The following KLHL7 variants were observed in gnomAD, a reference collection of about 807,000 sequenced individuals.
The protein encoded by KLHL7 is kelch-like protein 7.
A neutral mutation model predicts 67.4 loss-of-function variants in KLHL7; 44 were observed. The observed-to-expected ratio is 0.65, with a 90% CI of 0.51 to 0.84. KLHL7 has a LOEUF of 0.84. Ranked by LOEUF, KLHL7 falls within the 40% of genes least tolerant of loss-of-function variation. The probability of loss-of-function intolerance (pLI) is 0.00; values close to 1 mark genes in which losing one functional copy is unlikely to be tolerated. For synonymous variants in KLHL7, 252 were observed against 243.3 expected (o/e 1.04, Z -0.33); for missense variants, 362 against 718.1 (o/e 0.50, Z 5.67).
intron 1 of KLHL7, among the ~76,000 whole-genome samples, chr7:23,108,509 C>G (rs557297178): frequency 1.3e-5 from 2 of 152,174 alleles, no homozygotes; most frequent in Non-Finnish European, 2.9e-5. Flanking sequence ...ACCAACAAGA[C>G]GAGAACATGA....
At chr7:23,119,550 T>C (rs1484338828) in intron 1 of KLHL7, among the ~76,000 whole-genome samples, 1 of 152,214 alleles carries the variant, frequency 6.6e-6, no homozygotes, top group Non-Finnish European at 1.5e-5. Context: ...TAGGGTTGAC[T>C]CTGTGTTGCA....
chr7:23,120,959 CCTCT>C (rs1046789467), intron 1 of KLHL7, among the ~76,000 whole-genome samples: 1 of 152,124 alleles, frequency 6.6e-6, no homozygotes, highest in African/African-American at 2.4e-5. Flanking sequence ...CTTTAACAAA[CCTCT>C]CTCTATCCCT....
intron 4 of KLHL7, among the ~76,000 whole-genome samples, chr7:23,139,575 G>A (rs1784107269): frequency 1.3e-5 from 2 of 152,264 alleles, no homozygotes; most frequent in South Asian, 4.1e-4. Context: ...CAAAGGAGGT[G>A]GAAAATGCCA....
Position 23,175,978 on chromosome 7 carries a change from A to AT in KLHL7, c.*1681dup. The AT allele has an allele frequency of 6.7e-6, 1 of 149,524 alleles. No homozygotes were observed. The highest frequency in any genetic ancestry group is 2.1e-4 in the South Asian group (1 of 4,690). 9.3% of individuals were successfully genotyped at this position (149,524 alleles called of 1,614,324 possible). ...TAAAAAAAAAAAAAAAAAAAAAAAA[A>AT]TGTATTATTCAGTGGTTTTTAATAT... On this transcript the variant is annotated 3_prime_UTR_variant, in exon 11 of 11. Coordinates refer to ENST00000339077, the MANE Select transcript of KLHL7 (RefSeq NM_001031710.3).
At chr7:23,121,287 G>A (rs1276379191) in intron 1 of KLHL7, among the ~76,000 whole-genome samples, 1 of 152,038 alleles carries the variant, frequency 6.6e-6, no homozygotes, top group Non-Finnish European at 1.5e-5. Context: ...GCATAGTGCT[G>A]CAGTAAACAT....
intron 7 of KLHL7, among the ~76,000 whole-genome samples, chr7:23,156,602 A>G (rs1217320613): frequency 6.6e-6 from 1 of 152,168 alleles, no homozygotes; most frequent in East Asian, 1.9e-4. Context: ...GAAACGGGAG[A>G]CTATGCCCTG....
rs956180762 is a variant in KLHL7, at chr7:23,177,537, C to A, written c.*3239C>A. On this transcript the variant is annotated 3_prime_UTR_variant, in exon 11 of 11. Coordinates refer to ENST00000339077, the MANE Select transcript of KLHL7 (RefSeq NM_001031710.3). ...CAGAATTGTCAATATCAGGATAGTG[C>A]GTAAAAGTACACTCACCATACTGAC... 1.3e-5 allele frequency: 2 copies of A among 152,034 alleles called. No individual in the cohort carries two copies. The highest frequency in any genetic ancestry group is 4.8e-5 in the African/African-American group (2 of 41,392). 9.4% of individuals were successfully genotyped at this position (152,034 alleles called of 1,614,324 possible).
At chr7:23,145,622 T>C (rs978188821) in intron 6 of KLHL7, among the ~76,000 whole-genome samples, 2 of 152,254 alleles carry the variant, frequency 1.3e-5, no homozygotes, top group Non-Finnish European at 2.9e-5. Flanking sequence ...GACCCCCAGA[T>C]GTCAGTATTT....
intron 4 of KLHL7, among the ~76,000 whole-genome samples, chr7:23,140,421 G>C (rs1784136261): frequency 6.6e-6 from 1 of 152,228 alleles, no homozygotes; most frequent in African/African-American, 2.4e-5. Context: ...GCCAGGCGTG[G>C]TGGCGAGCAC....
intron 5 of KLHL7, among the ~76,000 whole-genome samples, chr7:23,141,676 G>A (rs543585206): frequency 3.9e-5 from 6 of 152,080 alleles, no homozygotes; most frequent in South Asian, 2.1e-4. Flanking sequence ...AGGCTGGAAT[G>A]CAGTGGCGTG....
intron 4 of KLHL7, among the ~76,000 whole-genome samples, chr7:23,138,493 A>G (rs543974558): frequency 6.7e-6 from 1 of 149,358 alleles, no homozygotes; most frequent in South Asian, 2.1e-4. Flanking sequence ...AAGAAGGTAT[A>G]AAACCTGAAG....
chr7:23,126,708 G>T (rs923283770), intron 4 of KLHL7, among the ~76,000 whole-genome samples: 1 of 152,192 alleles, frequency 6.6e-6, no homozygotes, highest in African/African-American at 2.4e-5. Flanking sequence ...CACAGAGAGA[G>T]AGATCTTGGA....
At chr7:23,124,043 AT>A (rs1274059601) in intron 2 of KLHL7, among the ~76,000 whole-genome samples, 164 bp downstream of exon 2, 2 of 152,054 alleles carry the variant, frequency 1.3e-5, no homozygotes, top group East Asian at 3.8e-4. Flanking sequence ...AAAGGAAAAA[AT>A]GTCCTTTCAT....
At chr7:23,155,573 A>T (rs971089276) in intron 7 of KLHL7, among the ~76,000 whole-genome samples, 1 of 151,914 alleles carries the variant, frequency 6.6e-6, no homozygotes. Flanking sequence ...CTGAGGCAGG[A>T]TAATCGCTTG....
In KLHL7 at chr7:23,143,958, C is replaced by A; in HGVS notation, c.726C>A (p.Phe242Leu). Residue 242 changes from phenylalanine to leucine, a missense_variant, in exon 6 of 11, where the codon TTC (phenylalanine) becomes TTA (leucine). Phe to Leu is a conservative substitution (Grantham distance 22). This residue lies in a region of KLHL7 where 155 missense variants were observed against 280.8 expected (regional missense o/e 0.55). Coordinates refer to ENST00000339077, the MANE Select transcript of KLHL7 (RefSeq NM_001031710.3). ...GGTTTCCTCTTATATCAAAGAATTT[C>A]TTAAGTAAAACGGTACAAGCTGAAC... is the stretch of plus-strand genomic sequence containing the variant. ...KVRFPLISKN[F>L]LSKTVQAEPL... 1 of 1,614,024 alleles carries A rather than the reference C, an allele frequency of 6.2e-7. No homozygotes were observed. The highest frequency in any genetic ancestry group is 1.1e-5 in the South Asian group (1 of 91,080).
At chr7:23,122,134 G>A (rs1430186585) in intron 1 of KLHL7, among the ~76,000 whole-genome samples, 1 of 151,622 alleles carries the variant, frequency 6.6e-6, no homozygotes, top group African/African-American at 2.4e-5. Context: ...CTCAGTTGCT[G>A]TACAAAGATC....
chr7:23,126,703 A>G (rs1382355575), intron 4 of KLHL7, among the ~76,000 whole-genome samples: 2 of 152,134 alleles, frequency 1.3e-5, no homozygotes, highest in African/African-American at 4.8e-5. Flanking sequence ...GTGAGCACAG[A>G]GAGAGAGATC....
chr7:23,172,606 T>A (rs570556360), intron 9 of KLHL7, among the ~76,000 whole-genome samples: 74 of 152,334 alleles, frequency 4.9e-4, no homozygotes, highest in African/African-American at 1.7e-3. Flanking sequence ...GAATTATTTA[T>A]CTTCGAAGCA....
chr7:23,168,089 T>G, intron 9 of KLHL7, 52 bp downstream of exon 9: 3 of 1,529,438 alleles, frequency 2.0e-6, no homozygotes, highest in Non-Finnish European at 1.8e-6. Context: ...CTATAAGCTC[T>G]GTAGGAGATG....
Sources: gnomAD v4.1 joint callset for allele counts (sites outside exome capture counted in the v4.1 genomes callset) on GRCh38, gnomAD v4.1.1 for gene constraint, gnomAD v4.1.1 regional missense constraint, MANE v1.5 for transcripts, NCBI Gene and HGNC (gene_info 2026-07-23, HGNC 2026-07-21) for gene names.